NEGR1: variants seen among roughly 807,000 people sequenced by gnomAD.
NEGR1 encodes neuronal growth regulator 1, also known as IgLON family member 4.
Under a neutral mutation model 40.9 loss-of-function variants are expected in NEGR1, and 10 were observed. That is an observed-to-expected ratio of 0.24 (90% CI 0.15 to 0.42). The LOEUF (loss-of-function observed/expected upper bound fraction) is 0.42. NEGR1 is among the 10% of genes least tolerant of loss of function. The probability of loss-of-function intolerance (pLI) is 1.00; values close to 1 mark genes in which losing one functional copy is unlikely to be tolerated. For synonymous variants in NEGR1, 185 were observed against 166.8 expected (o/e 1.11, Z -0.84); for missense variants, 352 against 438.9 (o/e 0.80, Z 1.77).
chr1:71,505,858 T>C (rs1002860536), intron 6 of NEGR1, among the ~76,000 whole-genome samples: 5 of 152,174 alleles, frequency 3.3e-5, no homozygotes, highest in African/African-American at 1.2e-4. Context: ...AATATGTAAA[T>C]GATCTCCTAA....
chr1:71,833,025 C>A (rs956569124), intron 2 of NEGR1, among the ~76,000 whole-genome samples: 2 of 151,940 alleles, frequency 1.3e-5, no homozygotes, highest in Non-Finnish European at 2.9e-5. Flanking sequence ...GAAAGAAAAA[C>A]ATCATGAAAA....
intron 4 of NEGR1, among the ~76,000 whole-genome samples, chr1:71,692,082 T>C (rs1273659739): frequency 6.6e-6 from 1 of 151,700 alleles, no homozygotes; most frequent in African/African-American, 2.4e-5. Flanking sequence ...TCTCCTTTCC[T>C]GGATAATGAG....
At chr1:71,864,664 A>G (rs1660061108) in intron 2 of NEGR1, among the ~76,000 whole-genome samples, 1 of 152,118 alleles carries the variant, frequency 6.6e-6, no homozygotes, top group African/African-American at 2.4e-5. Context: ...AGGGCAACAC[A>G]AGACAGGAGC....
intron 1 of NEGR1, among the ~76,000 whole-genome samples, chr1:71,951,882 G>A (rs1646073728): frequency 6.6e-6 from 1 of 151,668 alleles, no homozygotes; most frequent in Non-Finnish European, 1.5e-5. Flanking sequence ...GTTTTATGGT[G>A]GTCCATAATC....
intron 1 of NEGR1, among the ~76,000 whole-genome samples, chr1:72,099,459 T>C (rs1648844784): frequency 6.6e-6 from 1 of 152,012 alleles, no homozygotes; most frequent in African/African-American, 2.4e-5. Flanking sequence ...AAAATACACA[T>C]GGTATTCTAG....
At chr1:71,926,886 T>C (rs977949376) in intron 2 of NEGR1, among the ~76,000 whole-genome samples, 1 of 152,174 alleles carries the variant, frequency 6.6e-6, no homozygotes, top group Admixed American at 6.5e-5. Context: ...TATATTTACA[T>C]AGAAAATCTT....
chr1:72,090,165 T>C (rs1648410092), intron 1 of NEGR1, among the ~76,000 whole-genome samples: 1 of 152,062 alleles, frequency 6.6e-6, no homozygotes. Flanking sequence ...GAAGTTCCTG[T>C]AGATTTAATC....
At chr1:71,727,118 T>A (rs1557629508) in intron 3 of NEGR1, among the ~76,000 whole-genome samples, 1 of 152,118 alleles carries the variant, frequency 6.6e-6, no homozygotes, top group East Asian at 1.9e-4. Flanking sequence ...AGGTACCATT[T>A]GTGAGATGAG....
rs888701714 is a variant in NEGR1 at position 71,990,918 on chromosome 1, A to ATATATT, written c.177-55608_177-55607insAATATA. ...TAGGCATATACATATATATATATAT[A>ATATATT]TTTTTTTTTTAATGACTAGAAGACA... On this transcript the variant is annotated intron_variant, in intron 1 of 6. Transcript: ENST00000357731. 6.4e-3 allele frequency among the ~76,000 whole-genome samples: 668 copies of ATATATT among 104,232 alleles called. 5 individuals carry two copies. The highest frequency in any genetic ancestry group is 0.017 in the African/African-American group (640 of 36,848). 68.4% of individuals were successfully genotyped at this position (104,232 alleles called of 152,430 possible). A position where few individuals can be genotyped will look rare whatever the true frequency, so the allele number is the denominator to read the frequency against.
At chr1:72,012,846 T>C (rs573925925) in intron 1 of NEGR1, among the ~76,000 whole-genome samples, 2 of 135,550 alleles carry the variant, frequency 1.5e-5, no homozygotes, top group South Asian at 4.9e-4. Context: ...TACATACATA[T>C]ATATATATAT....
At chr1:72,174,575 G>C (rs1198334627) in intron 1 of NEGR1, among the ~76,000 whole-genome samples, 1 of 151,916 alleles carries the variant, frequency 6.6e-6, no homozygotes, top group Non-Finnish European at 1.5e-5. Flanking sequence ...TTTAAATTCT[G>C]TTTTACACGT....
chr1:71,541,804 G>GA (rs1647713601), intron 6 of NEGR1, among the ~76,000 whole-genome samples: 1 of 151,754 alleles, frequency 6.6e-6, no homozygotes. Context: ...GCTCAGTTAA[G>GA]AAAAAATACC....
chr1:72,095,616 C>G (rs1648667209), intron 1 of NEGR1, among the ~76,000 whole-genome samples: 1 of 152,050 alleles, frequency 6.6e-6, no homozygotes, highest in African/African-American at 2.4e-5. Context: ...GTCGAAACCT[C>G]TCCTTCCCCA....
intron 1 of NEGR1, among the ~76,000 whole-genome samples, chr1:72,219,256 C>A (rs1259667984): frequency 1.3e-5 from 2 of 151,952 alleles, no homozygotes; most frequent in Non-Finnish European, 2.9e-5. Context: ...TAAAATATAT[C>A]TAGCTTTGAC....
chr1:72,010,155 T>C (rs1386638458), intron 1 of NEGR1, among the ~76,000 whole-genome samples: 1 of 152,142 alleles, frequency 6.6e-6, no homozygotes, highest in Non-Finnish European at 1.5e-5. Flanking sequence ...AACAGGTGTT[T>C]GGTTTTCTTT....
intron 1 of NEGR1, among the ~76,000 whole-genome samples, chr1:72,069,329 A>G (rs1647365006): frequency 6.6e-6 from 1 of 152,110 alleles, no homozygotes; most frequent in South Asian, 2.1e-4. Flanking sequence ...CTGTGGTCCC[A>G]GCTACTGTGG....
chr1:71,458,766 A>C (rs1646693249), intron 6 of NEGR1, among the ~76,000 whole-genome samples: 1 of 152,218 alleles, frequency 6.6e-6, no homozygotes, highest in South Asian at 2.1e-4. Flanking sequence ...TCCTTCTCTG[A>C]ATGTTAATCA....
At chr1:71,460,002 G>A (rs1250606505) in intron 6 of NEGR1, among the ~76,000 whole-genome samples, 1 of 152,100 alleles carries the variant, frequency 6.6e-6, no homozygotes, top group East Asian at 1.9e-4. Flanking sequence ...CTTCATTAAT[G>A]TCTGCTTCTA....
chr1:72,145,475 T>G (rs968995559), intron 1 of NEGR1, among the ~76,000 whole-genome samples: 15 of 152,184 alleles, frequency 9.9e-5, no homozygotes, highest in Admixed American at 8.5e-4. Context: ...GAATTTTGTT[T>G]AGGGCACTGA....
Sources: gnomAD v4.1 joint callset for allele counts (sites outside exome capture counted in the v4.1 genomes callset) on GRCh38, gnomAD v4.1.1 for gene constraint, MANE v1.5 for transcripts, NCBI Gene and HGNC (gene_info 2026-07-23, HGNC 2026-07-21) for gene names.